Variants in MYOT observed in about 807,000 individuals in gnomAD.
MYOT encodes myotilin, also known as 57 kDa cytoskeletal protein.
MYOT carries 36 observed loss-of-function variants against 58.0 expected under a neutral mutation model. The ratio of observed to expected loss-of-function variants is 0.62; its 90% CI spans 0.48 to 0.82. The LOEUF is 0.82. Ranked by LOEUF, MYOT falls within the 40% of genes least tolerant of loss-of-function variation. MYOT has a pLI of 0.00. For synonymous variants in MYOT, 218 were observed against 204.6 expected, an observed-to-expected ratio of 1.07 and a Z score of -0.56; for missense variants, 505 against 592.1, an observed-to-expected ratio of 0.85 and a Z score of 1.53.
chr5:137,882,763 G>A (rs1361968259), intron 6 of MYOT: 4 of 156,408 alleles, frequency 2.6e-5, no homozygotes, highest in Non-Finnish European at 5.6e-5. Context: ...CTTTCTCTTG[G>A]CCTAAAAGAG....
chr5:137,874,294 C>CCGT, intron 2 of MYOT, among the ~76,000 whole-genome samples: 1 of 152,186 alleles, frequency 6.6e-6, no homozygotes, highest in South Asian at 2.1e-4. Context: ...TGGCAAAACC[C>CCGT]CGTCTCTACT....
intron 1 of MYOT, among the ~76,000 whole-genome samples, chr5:137,868,424 T>C (rs1003199885): frequency 1.3e-5 from 2 of 152,316 alleles, no homozygotes; most frequent in African/African-American, 4.8e-5. Flanking sequence ...ATTATAGAAT[T>C]AAATTGTTGA....
chr5:137,881,619 C>G (rs928545023), intron 5 of MYOT, among the ~76,000 whole-genome samples: 1 of 152,088 alleles, frequency 6.6e-6, no homozygotes, highest in African/African-American at 2.4e-5. Context: ...ACTGAAATAC[C>G]ACATCTCTGA....
chr5:137,870,320 C>T, intron 1 of MYOT, 121 bp from the exon 2 acceptor site: 1 of 407,070 alleles, frequency 2.5e-6, no homozygotes, highest in South Asian at 2.2e-5. Context: ...CACACACACA[C>T]ACACACAAAA....
At chr5:137,878,478 C>A (rs116819181) in intron 4 of MYOT, among the ~76,000 whole-genome samples, 1 of 152,034 alleles carries the variant, frequency 6.6e-6, no homozygotes, top group African/African-American at 2.4e-5. Context: ...GCATGAGCCA[C>A]CACGCCTGGC....
chr5:137,871,604 T>C lies in MYOT; in HGVS notation c.356+597T>C, dbSNP rs1470254786. ...GTGATCAGAAGAAGGAAGGCCTGAA[T>C]AGATGAAGGCTTATGACCTTACGGT... On this transcript the variant is annotated intron_variant, in intron 2 of 9. Coordinates refer to ENST00000239926, the MANE Select transcript of MYOT (RefSeq NM_006790.3). Among the ~76,000 whole-genome samples the C allele has an allele frequency of 2.0e-5, 3 of 152,338 alleles. No homozygotes were observed. In the East Asian group the frequency reaches 5.8e-4, roughly 29 times the overall value.
chr5:137,871,957 AT>A, intron 2 of MYOT, among the ~76,000 whole-genome samples: 1 of 152,268 alleles, frequency 6.6e-6, no homozygotes, highest in Middle Eastern at 3.4e-3. Context: ...AACTCTGCTA[AT>A]TTCTCGCAGT....
chr5:137,872,649 G>A (rs991389682), intron 2 of MYOT, among the ~76,000 whole-genome samples: 1 of 152,098 alleles, frequency 6.6e-6, no homozygotes, highest in Non-Finnish European at 1.5e-5. Flanking sequence ...GAACATTTGT[G>A]CACAACTCCC....
In MYOT at chr5:137,886,121, G is replaced by T. The variant is rs1755593361; in HGVS notation, c.1098G>T (p.Val366=). ...AAAAAGTTTTAGAGGGAGATTCAGT[G>T]AAACTAGAATGCCAGATCTCGGCTA... ...QSKKVLEGDS[V]KLECQISAIP... Residue 366 remains valine (V), a synonymous_variant, in exon 8 of 10, where the codon GTG becomes GTT. Transcript: ENST00000239926. 6.2e-7 allele frequency: 1 copy of T among 1,611,160 alleles called. No individual in the cohort carries two copies. The highest frequency in any genetic ancestry group is 8.5e-7 in the Non-Finnish European group (1 of 1,177,592).
intron 1 of MYOT, 143 bp downstream of exon 1, chr5:137,868,096 G>A (rs1363995227): frequency 6.6e-6 from 1 of 152,140 alleles, no homozygotes; most frequent in Non-Finnish European, 1.5e-5. Context: ...AAAATTTAAA[G>A]AGAAAGCGAC....
chr5:137,871,731 AC>A (rs1247842812), intron 2 of MYOT, among the ~76,000 whole-genome samples: 1 of 152,194 alleles, frequency 6.6e-6, no homozygotes, highest in African/African-American at 2.4e-5. Flanking sequence ...TATTTCCACT[AC>A]CCTAAGACTG....
intron 4 of MYOT, 82 bp from the exon 5 acceptor site, chr5:137,880,734 C>G: frequency 8.6e-7 from 1 of 1,161,896 alleles, no homozygotes; most frequent in Non-Finnish European, 1.3e-6. Flanking sequence ...TAGGAATGTT[C>G]CTTTCAACTG....
At chr5:137,884,613 G>A (rs1483668440) in intron 7 of MYOT, among the ~76,000 whole-genome samples, 1 of 152,018 alleles carries the variant, frequency 6.6e-6, no homozygotes, top group Admixed American at 6.5e-5. Flanking sequence ...AAATCTTTAA[G>A]ATGCTCCAAA....
intron 2 of MYOT, among the ~76,000 whole-genome samples, chr5:137,874,251 G>T (rs1257900979): frequency 6.6e-6 from 1 of 152,152 alleles, no homozygotes; most frequent in Non-Finnish European, 1.5e-5. Flanking sequence ...CAGATTACCA[G>T]AGGTCAGCAG....
intron 1 of MYOT, among the ~76,000 whole-genome samples, chr5:137,868,248 A>G (rs1754933062): frequency 6.6e-6 from 1 of 152,218 alleles, no homozygotes; most frequent in Non-Finnish European, 1.5e-5. Flanking sequence ...TATGAACGCA[A>G]CATATCCTCT....
In MYOT at chr5:137,870,796, G is replaced by C. The variant is rs199760778; in HGVS notation, c.145G>C (p.Glu49Gln). The change falls in exon 2 of 10, where the codon GAG becomes CAG. Residue 49 changes from glutamate to glutamine, a missense_variant. Glu to Gln is a conservative substitution (Grantham distance 29, BLOSUM62 2). Coordinates refer to ENST00000239926, the MANE Select transcript of MYOT (RefSeq NM_006790.3). ...TATCATCCAGCCCCGCCAGTGTACA[G>C]AGCAAAGATTTTCTGCCTCCTCAAC... ...SIIIQPRQCT[E>Q]QRFSASSTLS... is the part of the protein sequence containing the mutation. The C allele has an allele frequency of 2.5e-6, 4 of 1,614,134 alleles. No individual in the cohort carries two copies. In the Admixed American group the frequency reaches 5.0e-5, roughly 20 times the overall value.
chr5:137,874,011 C>A (rs527853797), intron 2 of MYOT, among the ~76,000 whole-genome samples: 1 of 152,292 alleles, frequency 6.6e-6, no homozygotes, highest in Non-Finnish European at 1.5e-5. Flanking sequence ...ACTTAGCTCA[C>A]AAGTCCTTTT....
intron 6 of MYOT, 187 bp from the exon 7 acceptor site, chr5:137,883,195 ATG>A (rs1348148069): frequency 1.7e-6 from 1 of 593,122 alleles, no homozygotes; most frequent in African/African-American, 1.9e-5. Flanking sequence ...TAAAAATACT[ATG>A]TTAATTTCAA....
At chr5:137,871,987 T>C (rs1312704226) in intron 2 of MYOT, among the ~76,000 whole-genome samples, 1 of 152,156 alleles carries the variant, frequency 6.6e-6, no homozygotes, top group African/African-American at 2.4e-5. Flanking sequence ...GAGGCTAATT[T>C]TTCTACAAAC....
Sources: gnomAD v4.1 joint callset for allele counts (sites outside exome capture counted in the v4.1 genomes callset) on GRCh38, gnomAD v4.1.1 for gene constraint, MANE v1.5 for transcripts, NCBI Gene and HGNC (gene_info 2026-07-23, HGNC 2026-07-21) for gene names.